FRMD4B: variants seen among roughly 807,000 people sequenced by gnomAD.
FRMD4B encodes FERM domain-containing protein 4B.
Under a neutral mutation model 141.5 loss-of-function variants are expected in FRMD4B, and 74 were observed. The ratio of observed to expected loss-of-function variants is 0.52; its 90% confidence interval spans 0.43 to 0.63. The LOEUF is 0.63. FRMD4B is among the 30% of genes least tolerant of loss of function. The probability of loss-of-function intolerance (pLI) is 0.00; values close to 1 mark genes in which losing one functional copy is unlikely to be tolerated. For missense variants in FRMD4B, 1,366 were observed against 1,253.4 expected (o/e 1.09, Z -1.36); for synonymous variants, 506 against 467.9 (o/e 1.08, Z -1.05).
intron 1 of FRMD4B, among the ~76,000 whole-genome samples, chr3:69,339,262 G>A (rs1346889960): frequency 6.6e-6 from 1 of 151,930 alleles, no homozygotes; most frequent in Admixed American, 6.6e-5. Context: ...ATTAACTTTG[G>A]ACATTTTTGC....
At chr3:69,199,897 A>G (rs2092949268) in intron 11 of FRMD4B, among the ~76,000 whole-genome samples, 1 of 152,212 alleles carries the variant, frequency 6.6e-6, no homozygotes, top group Non-Finnish European at 1.5e-5. Context: ...AAGACATTGT[A>G]CTATCCTGAG....
intron 1 of FRMD4B, among the ~76,000 whole-genome samples, chr3:69,511,683 T>G (rs1254709732): frequency 1.3e-5 from 2 of 152,238 alleles, no homozygotes; most frequent in Non-Finnish European, 2.9e-5. Context: ...CTGGCATCAC[T>G]GAAGTGTTCT....
intron 5 of FRMD4B, among the ~76,000 whole-genome samples, chr3:69,266,623 G>C (rs1277105254): frequency 6.6e-6 from 1 of 152,114 alleles, no homozygotes; most frequent in Non-Finnish European, 1.5e-5. Context: ...ACCGTGACTG[G>C]CCTGAAAAAT....
intron 1 of FRMD4B, among the ~76,000 whole-genome samples, chr3:69,363,674 C>T (rs1449844388): frequency 6.6e-6 from 1 of 152,184 alleles, no homozygotes; most frequent in African/African-American, 2.4e-5. Flanking sequence ...CAGGCGTGAG[C>T]CACTGCACCT....
chr3:69,248,569 G>A (rs1246584261), intron 7 of FRMD4B, among the ~76,000 whole-genome samples: 1 of 152,230 alleles, frequency 6.6e-6, no homozygotes, highest in Non-Finnish European at 1.5e-5. Flanking sequence ...GTAGAGGCCA[G>A]GCTTTCAAAG....
chr3:69,530,917 G>A (rs556103146), intron 1 of FRMD4B, among the ~76,000 whole-genome samples: 14 of 152,162 alleles, frequency 9.2e-5, no homozygotes, highest in African/African-American at 3.1e-4. Flanking sequence ...ACCTAATCTC[G>A]GGCCCTTACC....
At chr3:69,390,382 C>A (rs1012139672), upstream of FRMD4B, among the ~76,000 whole-genome samples, 4 of 152,262 alleles carry the variant, frequency 2.6e-5, no homozygotes, top group African/African-American at 4.8e-5. Context: ...GGTTCTCAAC[C>A]GGGGGCAATT....
chr3:69,315,969 A>G (rs1190068991), intron 1 of FRMD4B, among the ~76,000 whole-genome samples: 4 of 152,244 alleles, frequency 2.6e-5, no homozygotes, highest in Non-Finnish European at 5.9e-5. Flanking sequence ...TGTTTTATAT[A>G]CATTATTTCT....
intron 1 of FRMD4B, among the ~76,000 whole-genome samples, chr3:69,474,939 G>C (rs1320394527): frequency 6.6e-6 from 1 of 152,178 alleles, no homozygotes; most frequent in Non-Finnish European, 1.5e-5. Context: ...GAATTCTAAA[G>C]GCTTTGGGAA....
chr3:69,174,278 T>C lies in FRMD4B; in HGVS notation c.2984+2246A>G, dbSNP rs185487863. On this transcript the variant is annotated intron_variant, in intron 22 of 22. Transcript: ENST00000398540. ...TTTGAGTGGAATATCATATTGGTCATATAAAATAAGGTTTAAAGAGTTTTA... is the reference window on the plus strand; with the variant it reads ...TTTGAGTGGAATATCATATTGGTCACATAAAATAAGGTTTAAAGAGTTTTA... 4.3e-3 allele frequency among the ~76,000 whole-genome samples: 650 copies of C among 152,296 alleles called. 8 individuals carry two copies. Among genetic ancestry groups the C allele is most frequent in the South Asian group, 0.027 (132 of 4,830 alleles).
upstream of FRMD4B, among the ~76,000 whole-genome samples, chr3:69,390,699 C>G (rs1043966185): frequency 2.0e-5 from 3 of 152,078 alleles, no homozygotes; most frequent in African/African-American, 7.2e-5. Flanking sequence ...TTGAGAACAA[C>G]CTGGCCAACA....
intron 1 of FRMD4B, among the ~76,000 whole-genome samples, chr3:69,526,140 T>C (rs776283094): frequency 1.3e-5 from 2 of 152,280 alleles, no homozygotes; most frequent in South Asian, 4.1e-4. Context: ...CATATGCACC[T>C]ACAAATTATT....
chr3:69,412,569 C>T (rs1184560851), intron 2 of FRMD4B, among the ~76,000 whole-genome samples: 1 of 152,100 alleles, frequency 6.6e-6, no homozygotes, highest in Non-Finnish European at 1.5e-5. Context: ...CCTGTAGAGG[C>T]CAAAGAGAAT....
intron 2 of FRMD4B, among the ~76,000 whole-genome samples, chr3:69,409,038 G>A (rs1163844163): frequency 6.6e-6 from 1 of 152,134 alleles, no homozygotes; most frequent in Non-Finnish European, 1.5e-5. Context: ...CCATCCTGAG[G>A]TTGTTCGTGA....
chr3:69,270,689 C>T (rs1575677844), intron 5 of FRMD4B, among the ~76,000 whole-genome samples: 1 of 151,966 alleles, frequency 6.6e-6, no homozygotes, highest in Admixed American at 6.6e-5. Context: ...CCTCAGCCTC[C>T]CGAGTAGCTG....
intron 2 of FRMD4B, among the ~76,000 whole-genome samples, chr3:69,392,958 G>A (rs774472333): frequency 2.6e-5 from 4 of 152,056 alleles, no homozygotes; most frequent in Non-Finnish European, 4.4e-5. Flanking sequence ...TTGGCCTCAA[G>A]CAGGAGGAGA....
intron 5 of FRMD4B, among the ~76,000 whole-genome samples, chr3:69,267,316 C>A (rs1326873162): frequency 6.6e-6 from 1 of 152,056 alleles, no homozygotes; most frequent in East Asian, 1.9e-4. Flanking sequence ...ATAAAGGAGA[C>A]TTTAGAGTTA....
At chr3:69,188,553 C>T (rs947029485) in intron 18 of FRMD4B, among the ~76,000 whole-genome samples, 2 of 150,940 alleles carry the variant, frequency 1.3e-5, no homozygotes, top group Non-Finnish European at 3.0e-5. Context: ...GTCAGGAGAT[C>T]GAGACCATCC....
At chr3:69,491,847 G>A (rs780121745) in intron 1 of FRMD4B, among the ~76,000 whole-genome samples, 22 of 152,274 alleles carry the variant, frequency 1.4e-4, no homozygotes, top group Non-Finnish European at 2.9e-4. Flanking sequence ...ATGTCTCCAG[G>A]TATGAACATT....
Sources: gnomAD v4.1 joint callset for allele counts (sites outside exome capture counted in the v4.1 genomes callset) on GRCh38, gnomAD v4.1.1 for gene constraint, MANE v1.5 for transcripts, NCBI Gene and HGNC (gene_info 2026-07-23, HGNC 2026-07-21) for gene names.